Variants in CNTNAP5 observed in about 807,000 individuals in gnomAD.
CNTNAP5 encodes the protein contactin-associated protein-like 5.
CNTNAP5 carries 72 observed loss-of-function variants against 150.2 expected under a neutral mutation model. The ratio of observed to expected loss-of-function variants is 0.48; its 90% confidence interval spans 0.40 to 0.58. The LOEUF is 0.58. Among genes scored for constraint, CNTNAP5 ranks in the 20% least tolerant of loss-of-function variants. The pLI, the probability that CNTNAP5 is intolerant of heterozygous loss-of-function variation, is 0.00. For synonymous variants in CNTNAP5, 672 were observed against 619.8 expected (o/e 1.08, Z -1.25); for missense variants, 1,636 against 1,626.2 (o/e 1.01, Z -0.10).
intron 21 of CNTNAP5, among the ~76,000 whole-genome samples, 186 bp from the exon 22 acceptor site, chr2:124,902,696 T>A (rs1462991500): frequency 3.9e-5 from 6 of 152,286 alleles, no homozygotes; most frequent in Non-Finnish European, 5.9e-5. Flanking sequence ...GTTGATATAT[T>A]GATGCTTGCA....
chr2:124,767,826 GT>G (rs575324752), intron 16 of CNTNAP5, among the ~76,000 whole-genome samples: 70 of 152,112 alleles, frequency 4.6e-4, no homozygotes, highest in Non-Finnish European at 9.1e-4. Flanking sequence ...TCATCTGATG[GT>G]TTTCTCTCTC....
intron 10 of CNTNAP5, among the ~76,000 whole-genome samples, chr2:124,538,584 G>GGAAAGAAAGAAAGGAAGGAAGAAA (rs1695301289): frequency 9.3e-6 from 1 of 107,968 alleles, no homozygotes; most frequent in Non-Finnish European, 1.9e-5. Flanking sequence ...AAAGAAGGAA[G>GGAAAGAAAGAAAGGAAGGAAGAAA]GAAAGAAAGA....
intron 21 of CNTNAP5, among the ~76,000 whole-genome samples, chr2:124,901,679 T>A (rs535920160): frequency 6.6e-6 from 1 of 152,302 alleles, no homozygotes; most frequent in South Asian, 2.1e-4. Context: ...TTAAGCTCTT[T>A]AAAGTCATTT....
At chr2:124,716,841 T>C (rs550136920) in intron 13 of CNTNAP5, among the ~76,000 whole-genome samples, 1 of 152,306 alleles carries the variant, frequency 6.6e-6, no homozygotes, top group South Asian at 2.1e-4. Flanking sequence ...CTTTGCAGTT[T>C]CCAACAACCT....
chr2:124,859,902 C>T (rs574687303), intron 19 of CNTNAP5, among the ~76,000 whole-genome samples: 3 of 152,072 alleles, frequency 2.0e-5, no homozygotes, highest in African/African-American at 7.2e-5. Context: ...TACACTGGGG[C>T]CTGTGGTGGG....
At chr2:124,082,345 T>C (rs1682577852) in intron 1 of CNTNAP5, among the ~76,000 whole-genome samples, 1 of 92,992 alleles carries the variant, frequency 1.1e-5, no homozygotes, top group Admixed American at 1.4e-4. Context: ...TGAGACTCTC[T>C]CTCAAAAAAA....
At chr2:124,651,293 TG>T (rs1454383087) in intron 13 of CNTNAP5, among the ~76,000 whole-genome samples, 5 of 152,256 alleles carry the variant, frequency 3.3e-5, no homozygotes, top group African/African-American at 1.2e-4. Context: ...TAAGAGAATG[TG>T]GGGGTTGCCT....
At chr2:124,395,923 C>A (rs1419719671) in intron 3 of CNTNAP5, among the ~76,000 whole-genome samples, 8 of 152,120 alleles carry the variant, frequency 5.3e-5, no homozygotes, top group African/African-American at 1.9e-4. Context: ...AGTGGGAGAG[C>A]AATGACTAAA....
chr2:124,383,853 C>A (rs1488960269), intron 3 of CNTNAP5, among the ~76,000 whole-genome samples: 1 of 152,142 alleles, frequency 6.6e-6, no homozygotes, highest in Non-Finnish European at 1.5e-5. Context: ...CAGGAAACAA[C>A]CAATATCATA....
At chr2:124,521,416 C>A (rs1694843492) in intron 8 of CNTNAP5, among the ~76,000 whole-genome samples, 1 of 152,278 alleles carries the variant, frequency 6.6e-6, no homozygotes, top group Middle Eastern at 3.4e-3. Context: ...ACCAACCAAG[C>A]AAACCCTCAT....
chr2:124,731,536 T>C (rs1376473988), intron 13 of CNTNAP5, among the ~76,000 whole-genome samples: 2 of 148,966 alleles, frequency 1.3e-5, no homozygotes, highest in African/African-American at 2.5e-5. Context: ...AAGGTAAAAA[T>C]AATTTGGGGA....
chr2:124,184,343 G>T (rs1685278732), intron 1 of CNTNAP5, among the ~76,000 whole-genome samples: 1 of 152,170 alleles, frequency 6.6e-6, no homozygotes, highest in Non-Finnish European at 1.5e-5. Context: ...GAGAAGCAAT[G>T]TGATTATATT....
At chr2:124,820,613 G>A (rs113993505) in intron 19 of CNTNAP5, among the ~76,000 whole-genome samples, 1 of 152,098 alleles carries the variant, frequency 6.6e-6, no homozygotes, top group Non-Finnish European at 1.5e-5. Flanking sequence ...TGGAGTTCTT[G>A]TATCAGTGGA....
intron 13 of CNTNAP5, among the ~76,000 whole-genome samples, chr2:124,697,961 G>C (rs963685753): frequency 2.0e-5 from 3 of 152,124 alleles, no homozygotes; most frequent in Non-Finnish European, 4.4e-5. Context: ...CCAGAGGGGA[G>C]ACAGAGGATG....
At chr2:124,583,482 CAGT>C (rs1354063890) in intron 11 of CNTNAP5, among the ~76,000 whole-genome samples, 1 of 152,186 alleles carries the variant, frequency 6.6e-6, no homozygotes, top group African/African-American at 2.4e-5. Flanking sequence ...GGGAAAGAGA[CAGT>C]AGTATTAACC....
At chr2:124,560,089 A>G (rs1331464955) in intron 10 of CNTNAP5, among the ~76,000 whole-genome samples, 1 of 152,204 alleles carries the variant, frequency 6.6e-6, no homozygotes, top group Non-Finnish European at 1.5e-5. Flanking sequence ...TTATCATTGT[A>G]AAACAAGGTC....
At chr2:124,377,539 G>T (rs1690679678) in intron 3 of CNTNAP5, among the ~76,000 whole-genome samples, 1 of 152,040 alleles carries the variant, frequency 6.6e-6, no homozygotes, top group South Asian at 2.1e-4. Context: ...GCCAGTCGTG[G>T]TGGCATGCGC....
chr2:124,601,982 C>T (rs903099043), intron 11 of CNTNAP5, among the ~76,000 whole-genome samples: 3 of 152,100 alleles, frequency 2.0e-5, no homozygotes, highest in South Asian at 2.1e-4. Flanking sequence ...CTCAATATCC[C>T]GTATTACAGC....
chr2:124,491,392 T>C (rs1694022126), intron 7 of CNTNAP5, among the ~76,000 whole-genome samples: 2 of 151,808 alleles, frequency 1.3e-5, no homozygotes, highest in Non-Finnish European at 2.9e-5. Context: ...CTTATATATG[T>C]ATGTGTGTAT....
Sources: allele counts gnomAD v4.1 joint callset (sites outside exome capture counted in the v4.1 genomes callset), GRCh38; gene constraint gnomAD v4.1.1; transcripts MANE v1.5; gene names NCBI Gene and HGNC (gene_info 2026-07-23, HGNC 2026-07-21).